The following DACH1 variants were observed in gnomAD, a reference collection of about 807,000 sequenced individuals.
DACH1 encodes dachshund homolog 1.
In DACH1, 12 loss-of-function variants were observed where a neutral mutation model predicts 54.2. The observed-to-expected ratio is 0.22, with a 90% CI of 0.14 to 0.36. The LOEUF is 0.36. Ranked by LOEUF, DACH1 falls within the 10% of genes least tolerant of loss-of-function variation. The pLI is 1.00. For missense variants in DACH1, 805 were observed against 929.8 expected, an observed-to-expected ratio of 0.87 and a Z score of 1.75; for synonymous variants, 386 against 366.2, an observed-to-expected ratio of 1.05 and a Z score of -0.62.
rs916135361 is a variant in DACH1, at chr13:71,483,028, C to T, written c.1723-3712G>A. Among the ~76,000 whole-genome samples, 164 of 151,944 alleles carry T rather than the reference C, an allele frequency of 1.1e-3. 1 individual carries two copies. The highest frequency in any genetic ancestry group is 3.6e-3 in the African/African-American group (150 of 41,472). On this transcript the variant is annotated intron_variant, in intron 7 of 10. Coordinates refer to ENST00000613252, the MANE Select transcript of DACH1 (RefSeq NM_080759.6). ...ATGTTGGCCAGGATGATTTCAAACCCCTTACCTCAGGCGATCCACCCACCT... is the reference window on the plus strand; with the variant it reads ...ATGTTGGCCAGGATGATTTCAAACCTCTTACCTCAGGCGATCCACCCACCT...
Position 71,779,031 on chromosome 13 carries a change from C to G in DACH1, c.848+86891G>C, listed in dbSNP as rs570645730. The stretch of plus-strand genomic sequence containing the variant: ...TTTGATACCTTTTCTTCTGTCATAC[C>G]TAAGTCAAACTTTCTTACAGTGTGG... On this transcript the variant is annotated intron_variant, in intron 1 of 10. Coordinates refer to ENST00000613252, the MANE Select transcript of DACH1 (RefSeq NM_080759.6). Among the ~76,000 whole-genome samples, 4 of 150,836 alleles carry G rather than the reference C, an allele frequency of 2.7e-5. No individual in the cohort carries two copies. The South Asian group carries it at 8.4e-4, about 32-fold the overall frequency.
intron 2 of DACH1, among the ~76,000 whole-genome samples, chr13:71,642,695 C>T (rs1272086436): frequency 6.6e-6 from 1 of 151,894 alleles, no homozygotes; most frequent in East Asian, 1.9e-4. Context: ...TCACAATAAC[C>T]AAAGACTGAA....
intron 1 of DACH1, among the ~76,000 whole-genome samples, chr13:71,741,307 GC>G (rs1387487188): frequency 3.3e-5 from 5 of 152,122 alleles, no homozygotes; most frequent in Non-Finnish European, 7.4e-5. Flanking sequence ...AAAGAAAAAT[GC>G]CCACAAGGAA....
chr13:71,767,204 T>G (rs1885674142), intron 1 of DACH1, among the ~76,000 whole-genome samples: 1 of 152,030 alleles, frequency 6.6e-6, no homozygotes. Context: ...TGATTTAAGT[T>G]TCTACTATTA....
At chr13:71,546,874 TTAA>T (rs1179472317) in intron 6 of DACH1, among the ~76,000 whole-genome samples, 1 of 152,114 alleles carries the variant, frequency 6.6e-6, no homozygotes, top group African/African-American at 2.4e-5. Context: ...GTATATATCA[TTAA>T]TTTCATTCCT....
At chr13:71,778,146 A>T (rs1340263856) in intron 1 of DACH1, among the ~76,000 whole-genome samples, 1 of 151,510 alleles carries the variant, frequency 6.6e-6, no homozygotes, top group Admixed American at 6.6e-5. Flanking sequence ...AAATAAAACT[A>T]TAAAACTTCA....
At chr13:71,857,607 A>G (rs1042092310) in intron 1 of DACH1, among the ~76,000 whole-genome samples, 1 of 151,736 alleles carries the variant, frequency 6.6e-6, no homozygotes, top group Non-Finnish European at 1.5e-5. Flanking sequence ...AGAGTTCTCT[A>G]AACTACTGAT....
intron 1 of DACH1, among the ~76,000 whole-genome samples, chr13:71,718,635 G>GGT (rs940910756): frequency 6.6e-6 from 1 of 150,924 alleles, no homozygotes; most frequent in Non-Finnish European, 1.5e-5. Flanking sequence ...TCAATGTTCA[G>GGT]GTAGAGCTAG....
chr13:71,675,277 G>A, intron 2 of DACH1: 1 of 1,599,058 alleles, frequency 6.3e-7, no homozygotes, highest in Non-Finnish European at 8.6e-7. Context: ...CCAGAGTCTG[G>A]TGCGAGAAAT....
intron 3 of DACH1, among the ~76,000 whole-genome samples, chr13:71,609,289 G>A (rs1034207257): frequency 1.3e-5 from 2 of 152,016 alleles, no homozygotes; most frequent in Admixed American, 6.5e-5. Context: ...GTGACCATAC[G>A]AAGTCACCGT....
intron 2 of DACH1, among the ~76,000 whole-genome samples, chr13:71,667,241 T>A (rs1355465844): frequency 1.3e-5 from 2 of 152,150 alleles, no homozygotes; most frequent in African/African-American, 4.8e-5. Context: ...ATGACATATG[T>A]GTTTAATTAT....
chr13:71,622,627 T>C (rs994860201), intron 3 of DACH1, among the ~76,000 whole-genome samples: 1 of 151,876 alleles, frequency 6.6e-6, no homozygotes, highest in African/African-American at 2.4e-5. Context: ...TTTTTGTAGG[T>C]TGATAATTAC....
intron 1 of DACH1, among the ~76,000 whole-genome samples, chr13:71,783,969 AAAAAAAAAAAAC>A (rs1480397344): frequency 1.3e-5 from 2 of 150,534 alleles, no homozygotes; most frequent in Admixed American, 6.6e-5. Flanking sequence ...AGGTTTAAAA[AAAAAAAAAAAAC>A]AAAAAAAAAA....
chr13:71,576,306 T>C (rs1001583422), intron 3 of DACH1, among the ~76,000 whole-genome samples: 1 of 152,140 alleles, frequency 6.6e-6, no homozygotes, highest in Non-Finnish European at 1.5e-5. Flanking sequence ...TTCTTCTGTG[T>C]AAAAGATGGG....
At chr13:71,622,851 T>C (rs1030828328) in intron 3 of DACH1, among the ~76,000 whole-genome samples, 1 of 151,838 alleles carries the variant, frequency 6.6e-6, no homozygotes, top group African/African-American at 2.4e-5. Flanking sequence ...GTTTACTCTA[T>C]TATCTAGTCA....
At chr13:71,455,595 G>A (rs772364421) in intron 10 of DACH1, among the ~76,000 whole-genome samples, 16 of 151,978 alleles carry the variant, frequency 1.1e-4, no homozygotes, top group Admixed American at 3.9e-4. Context: ...ATCATATCAC[G>A]TAACTAGATG....
intron 3 of DACH1, among the ~76,000 whole-genome samples, chr13:71,623,332 T>C (rs968093520): frequency 6.6e-6 from 1 of 151,684 alleles, no homozygotes. Flanking sequence ...TATACTCATA[T>C]GACATTTTAA....
At chr13:71,496,549 T>A (rs1335625139) in intron 6 of DACH1, among the ~76,000 whole-genome samples, 2 of 151,488 alleles carry the variant, frequency 1.3e-5, no homozygotes, top group African/African-American at 4.9e-5. Context: ...GATAGACAAT[T>A]GAGACTCAGA....
At chr13:71,715,894 T>A (rs1253432991) in intron 1 of DACH1, among the ~76,000 whole-genome samples, 1 of 152,032 alleles carries the variant, frequency 6.6e-6, no homozygotes, top group Non-Finnish European at 1.5e-5. Flanking sequence ...AAAACAAACA[T>A]CTGGGAATAC....
Sources: gnomAD v4.1 joint callset for allele counts (sites outside exome capture counted in the v4.1 genomes callset) on GRCh38, gnomAD v4.1.1 for gene constraint, MANE v1.5 for transcripts, NCBI Gene and HGNC (gene_info 2026-07-23, HGNC 2026-07-21) for gene names.